The following KCNH1 variants were observed in gnomAD, a reference collection of about 807,000 sequenced individuals.
KCNH1 encodes the protein potassium voltage-gated channel subfamily H member 1, also known as voltage-gated delayed rectifier potassium channel KCNH1.
Under a neutral mutation model 69.2 loss-of-function variants are expected in KCNH1, and 27 were observed. The observed-to-expected ratio is 0.39, with a 90% CI of 0.29 to 0.54. The LOEUF is 0.54. KCNH1 is among the 20% of genes least tolerant of loss of function. KCNH1 has a pLI of 0.68. For missense variants in KCNH1, 798 were observed against 1,261.6 expected (o/e 0.63, Z 5.57); for synonymous variants, 456 against 487.7 (o/e 0.93, Z 0.86).
At chr1:210,900,333 TC>T (rs1265695333) in intron 7 of KCNH1, among the ~76,000 whole-genome samples, 2 of 152,244 alleles carry the variant, frequency 1.3e-5, no homozygotes, top group African/African-American at 4.8e-5. Flanking sequence ...CTGGGGCTGT[TC>T]AGACAGTTCA....
chr1:210,900,756 G>A (rs944631664), intron 7 of KCNH1, among the ~76,000 whole-genome samples: 4 of 152,084 alleles, frequency 2.6e-5, no homozygotes, highest in African/African-American at 4.8e-5. Context: ...GTACACAATG[G>A]TTACAGGAAT....
At chr1:211,052,499 T>G (rs1352654994) in intron 5 of KCNH1, among the ~76,000 whole-genome samples, 1 of 152,152 alleles carries the variant, frequency 6.6e-6, no homozygotes, top group Non-Finnish European at 1.5e-5. Flanking sequence ...GACTTTCTTC[T>G]CCAAAGCCAC....
chr1:211,061,706 G>A (rs147290594), intron 5 of KCNH1, among the ~76,000 whole-genome samples: 2,892 of 152,054 alleles, frequency 0.019, 88 homozygotes, highest in African/African-American at 0.066. Context: ...TCAAGAAAGC[G>A]ATTCCATTTG....
intron 6 of KCNH1, among the ~76,000 whole-genome samples, chr1:211,013,603 G>A (rs1689439903): frequency 6.6e-6 from 1 of 152,208 alleles, no homozygotes; most frequent in African/African-American, 2.4e-5. Context: ...CAGGAGTCAG[G>A]AGACTAGAGT....
At chr1:210,746,923 AG>A (rs1683174839) in intron 10 of KCNH1, among the ~76,000 whole-genome samples, 2 of 152,172 alleles carry the variant, frequency 1.3e-5, no homozygotes, top group South Asian at 4.1e-4. Context: ...AGAATGGGAC[AG>A]AGGAAGGGGG....
At chr1:210,696,614 T>C (rs1320138184) in intron 10 of KCNH1, among the ~76,000 whole-genome samples, 1 of 152,108 alleles carries the variant, frequency 6.6e-6, no homozygotes, top group Non-Finnish European at 1.5e-5. Flanking sequence ...ACACTTGAAC[T>C]CCCACCTGGT....
intron 5 of KCNH1, among the ~76,000 whole-genome samples, chr1:211,072,100 AC>A (rs1690655687): frequency 6.6e-6 from 1 of 152,022 alleles, no homozygotes; most frequent in South Asian, 2.1e-4. Flanking sequence ...GCATGGTGAA[AC>A]CCCATCTCTA....
chr1:210,900,011 G>T (rs1442719165), intron 7 of KCNH1, among the ~76,000 whole-genome samples: 1 of 152,166 alleles, frequency 6.6e-6, no homozygotes, highest in Non-Finnish European at 1.5e-5. Flanking sequence ...AGGATAAAGG[G>T]GTAGTAAATG....
intron 1 of KCNH1, among the ~76,000 whole-genome samples, chr1:211,118,406 TATTC>T (rs1691624098): frequency 6.6e-6 from 1 of 152,208 alleles, no homozygotes; most frequent in Non-Finnish European, 1.5e-5. Flanking sequence ...TGCCATGATT[TATTC>T]ATTGGCTCTC....
chr1:210,791,773 G>A (rs1230789682), intron 9 of KCNH1, among the ~76,000 whole-genome samples: 1 of 152,180 alleles, frequency 6.6e-6, no homozygotes, highest in African/African-American at 2.4e-5. Flanking sequence ...TTAAGACCAT[G>A]TTATGCTCTG....
chr1:210,796,458 A>G (rs1684317331), intron 9 of KCNH1, among the ~76,000 whole-genome samples: 1 of 152,146 alleles, frequency 6.6e-6, no homozygotes, highest in African/African-American at 2.4e-5. Flanking sequence ...TTAAAGATAT[A>G]CCACCAATAA....
chr1:210,905,029 A>G (rs1170505933), intron 7 of KCNH1, among the ~76,000 whole-genome samples: 1 of 152,168 alleles, frequency 6.6e-6, no homozygotes, highest in Non-Finnish European at 1.5e-5. Context: ...TCCCCACACC[A>G]TCAGCTCCTT....
chr1:211,102,176 C>T (rs1029373854), intron 3 of KCNH1, among the ~76,000 whole-genome samples: 2 of 152,180 alleles, frequency 1.3e-5, no homozygotes, highest in Non-Finnish European at 1.5e-5. Flanking sequence ...ATTGCCCTCT[C>T]GCATCTCAAA....
At chr1:211,085,273 G>T (rs1378100928) in intron 4 of KCNH1, among the ~76,000 whole-genome samples, 2 of 152,130 alleles carry the variant, frequency 1.3e-5, no homozygotes, top group Non-Finnish European at 2.9e-5. Context: ...GGGATGCCAG[G>T]TGTGTCCTGA....
chr1:210,974,710 C>T (rs760730711), intron 6 of KCNH1, among the ~76,000 whole-genome samples: 1 of 151,820 alleles, frequency 6.6e-6, no homozygotes, highest in South Asian at 2.1e-4. Context: ...ACTACAGGTG[C>T]GTGACACTAC....
chr1:210,987,817 C>T (rs1688869997), intron 6 of KCNH1, among the ~76,000 whole-genome samples: 1 of 152,206 alleles, frequency 6.6e-6, no homozygotes. Flanking sequence ...AGCTGTCAGA[C>T]AGGGATATTT....
In KCNH1 at chr1:210,681,972, C is replaced by T. The variant is rs990179968; in HGVS notation, c.*1309G>A. 3.3e-5 allele frequency: 5 copies of T among 152,114 alleles called. No individual in the cohort carries two copies. The highest frequency in any genetic ancestry group is 1.2e-4 in the African/African-American group (5 of 41,426). 9.4% of individuals were successfully genotyped at this position (152,114 alleles called of 1,614,324 possible). On this transcript the variant is annotated 3_prime_UTR_variant, in exon 11 of 11. Coordinates refer to ENST00000271751, the MANE Select transcript of KCNH1 (RefSeq NM_172362.3). ...AGGTGACCATGAGGCAGTGAAGTGT[C>T]CCCGAGCATCGTGGCATAGGGGCTT...
At position 210,983,299 on chromosome 1, in the gene KCNH1, C is replaced by A. The variant is rs569372661; in HGVS notation, c.1032+35484G>T. 4.6e-5 allele frequency among the ~76,000 whole-genome samples: 7 copies of A among 152,166 alleles called. No homozygotes were observed. The East Asian group carries it at 9.6e-4, about 21-fold the overall frequency. On this transcript the variant is annotated intron_variant, in intron 6 of 10. Coordinates refer to ENST00000271751, the MANE Select transcript of KCNH1 (RefSeq NM_172362.3). ...ATTAAATCCCATTTGTCAATTTTGT[C>A]TTTTGTTGCCATTGCTTTTGGTGTT...
rs940028026 is a variant in KCNH1 at position 210,702,055 on chromosome 1, A to C, written c.2113-17917T>G. On this transcript the variant is annotated intron_variant, in intron 10 of 10. Transcript: ENST00000271751. The stretch of plus-strand genomic sequence containing the variant: ...AATTCATTTTTCTATCAGAATTTTC[A>C]ATGTATTTGTTTATTAGCTTCTATA... 1.9e-4 allele frequency among the ~76,000 whole-genome samples: 29 copies of C among 152,196 alleles called. 1 individual carries two copies. Among genetic ancestry groups the C allele is most frequent in the Admixed American group, 1.2e-3 (18 of 15,278 alleles).
Sources: allele counts gnomAD v4.1 joint callset (sites outside exome capture counted in the v4.1 genomes callset), GRCh38; gene constraint gnomAD v4.1.1; transcripts MANE v1.5; gene names NCBI Gene and HGNC (gene_info 2026-07-23, HGNC 2026-07-21).